CNTN5: variants seen among roughly 807,000 people sequenced by gnomAD.
CNTN5 encodes the protein contactin 5.
Under a neutral mutation model 129.1 loss-of-function variants are expected in CNTN5, and 77 were observed. The ratio of observed to expected loss-of-function variants is 0.60; its 90% CI spans 0.50 to 0.72. CNTN5 has a LOEUF of 0.72. CNTN5 is among the 30% of genes least tolerant of loss of function. The pLI, the probability that CNTN5 is intolerant of heterozygous loss-of-function variation, is 0.00. For missense variants in CNTN5, 1,478 were observed against 1,328.8 expected (o/e 1.11, Z -1.75); for synonymous variants, 509 against 465.6 (o/e 1.09, Z -1.20).
intron 3 of CNTN5, among the ~76,000 whole-genome samples, chr11:99,757,280 G>T (rs1039965644): frequency 6.6e-6 from 1 of 151,760 alleles, no homozygotes; most frequent in Non-Finnish European, 1.5e-5. Flanking sequence ...TCCTTATAAG[G>T]ACCTATACTA....
intron 13 of CNTN5, among the ~76,000 whole-genome samples, chr11:100,110,138 G>C (rs1361401944): frequency 6.7e-6 from 1 of 149,832 alleles, no homozygotes; most frequent in Non-Finnish European, 1.5e-5. Context: ...AGTGAGCAGA[G>C]ATGGCGCCAC....
At chr11:100,058,523 A>C (rs1287104327) in intron 9 of CNTN5, among the ~76,000 whole-genome samples, 1 of 152,132 alleles carries the variant, frequency 6.6e-6, no homozygotes, top group Non-Finnish European at 1.5e-5. Flanking sequence ...TATTAAAAGA[A>C]TAATATGTCA....
intron 3 of CNTN5, among the ~76,000 whole-genome samples, chr11:99,806,865 T>G (rs1031407960): frequency 1.8e-5 from 2 of 111,416 alleles, no homozygotes; most frequent in African/African-American, 3.6e-5. Context: ...CATAAATAAA[T>G]CAATCATAAA....
chr11:99,747,451 G>T (rs556105790), intron 3 of CNTN5, among the ~76,000 whole-genome samples: 2 of 143,906 alleles, frequency 1.4e-5, no homozygotes, highest in South Asian at 2.2e-4. Flanking sequence ...TTGAATAGAA[G>T]TCAGCATCCT....
chr11:99,434,563 T>C (rs1158130935), intron 2 of CNTN5, among the ~76,000 whole-genome samples: 1 of 152,192 alleles, frequency 6.6e-6, no homozygotes, highest in Non-Finnish European at 1.5e-5. Flanking sequence ...TCACAACTTT[T>C]GAAGTCTGTG....
At chr11:99,858,266 T>A (rs1211582061) in intron 6 of CNTN5, among the ~76,000 whole-genome samples, 1 of 152,096 alleles carries the variant, frequency 6.6e-6, no homozygotes, top group East Asian at 1.9e-4. Context: ...GTAAAGAGCA[T>A]CACGAGGTCA....
rs148129187 is a variant in CNTN5, at chr11:99,298,564, T to A, written c.-209-26782T>A. 7.2e-5 allele frequency among the ~76,000 whole-genome samples: 11 copies of A among 152,286 alleles called. No individual in the cohort carries two copies. In the East Asian group the frequency reaches 2.1e-3, roughly 29 times the overall value. ...AGGACTCAAATATAGAAATACGGAA[T>A]CTTTTTAGGCCATATTTAGTTTGTT... On this transcript the variant is annotated intron_variant, in intron 1 of 24. Coordinates refer to ENST00000524871, the MANE Select transcript of CNTN5 (RefSeq NM_014361.4).
intron 6 of CNTN5, among the ~76,000 whole-genome samples, chr11:99,858,927 A>AT (rs11374371): frequency 1 from 152,173 of 152,174 alleles, 76,086 homozygotes; most frequent in Non-Finnish European, 1. Flanking sequence ...ATTTACCTTC[A>AT]TTTGAACTTC....
chr11:99,841,989 C>T (rs1011643906), intron 4 of CNTN5, among the ~76,000 whole-genome samples: 19 of 151,608 alleles, frequency 1.3e-4, no homozygotes, highest in Middle Eastern at 3.2e-3. Context: ...ATTGTTCAAG[C>T]GATTCTCCTG....
At chr11:100,104,460 A>T (rs1360514634) in intron 13 of CNTN5, among the ~76,000 whole-genome samples, 1 of 152,158 alleles carries the variant, frequency 6.6e-6, no homozygotes, top group East Asian at 1.9e-4. Flanking sequence ...TTCTAGAAAA[A>T]AAAATCACAT....
At chr11:99,456,199 A>C (rs965812597) in intron 2 of CNTN5, among the ~76,000 whole-genome samples, 4 of 152,136 alleles carry the variant, frequency 2.6e-5, no homozygotes, top group African/African-American at 9.7e-5. Context: ...CTTTTCTAAA[A>C]CTGAAAGGAA....
intron 3 of CNTN5, among the ~76,000 whole-genome samples, chr11:99,668,239 A>C (rs951149183): frequency 2.0e-5 from 3 of 152,190 alleles, no homozygotes; most frequent in Non-Finnish European, 2.9e-5. Context: ...TCCACACCCC[A>C]GAGTACCAAG....
At chr11:99,155,945 C>T (rs1388873352) in intron 1 of CNTN5, among the ~76,000 whole-genome samples, 1 of 151,858 alleles carries the variant, frequency 6.6e-6, no homozygotes, top group Non-Finnish European at 1.5e-5. Context: ...ATAATTTACA[C>T]AATAATTAAT....
At chr11:99,635,142 C>A (rs1951505290) in intron 3 of CNTN5, among the ~76,000 whole-genome samples, 4 of 152,046 alleles carry the variant, frequency 2.6e-5, no homozygotes. Flanking sequence ...TGCTTTTCTC[C>A]TTTTTAATTT....
chr11:99,095,090 G>GTCA (rs1382181984), intron 1 of CNTN5, among the ~76,000 whole-genome samples: 1 of 151,618 alleles, frequency 6.6e-6, no homozygotes, highest in Non-Finnish European at 1.5e-5. Context: ...CCATCAACTT[G>GTCA]TCATCGACAT....
At chr11:99,738,808 A>T (rs1173356978) in intron 3 of CNTN5, among the ~76,000 whole-genome samples, 1 of 152,180 alleles carries the variant, frequency 6.6e-6, no homozygotes, top group African/African-American at 2.4e-5. Context: ...GGTTTTAGGC[A>T]TGTAGAAGGA....
At chr11:99,911,771 T>C (rs764673342) in intron 6 of CNTN5, among the ~76,000 whole-genome samples, 14 of 151,582 alleles carry the variant, frequency 9.2e-5, no homozygotes, top group Non-Finnish European at 2.1e-4. Flanking sequence ...ACTTTCTGAG[T>C]AGTTTGCCAA....
At chr11:99,430,471 A>G (rs1943317378) in intron 2 of CNTN5, among the ~76,000 whole-genome samples, 1 of 149,030 alleles carries the variant, frequency 6.7e-6, no homozygotes, top group South Asian at 2.1e-4. Flanking sequence ...TATATATATA[A>G]GAGATTTATA....
At chr11:99,366,278 GCTACTGCTCTTCTCAACCTTCA>G (rs1277824379) in intron 2 of CNTN5, among the ~76,000 whole-genome samples, 1 of 152,110 alleles carries the variant, frequency 6.6e-6, no homozygotes, top group Non-Finnish European at 1.5e-5. Context: ...TAACGATTTT[GCTACTGCTCTTCTCAACCTTCA>G]CACCCCTTCA....
Sources: allele counts gnomAD v4.1 joint callset (sites outside exome capture counted in the v4.1 genomes callset), GRCh38; gene constraint gnomAD v4.1.1; transcripts MANE v1.5; gene names NCBI Gene and HGNC (gene_info 2026-07-23, HGNC 2026-07-21).